Variants in HACD1 observed in about 807,000 individuals in gnomAD.
HACD1 encodes the protein 3-hydroxyacyl-CoA dehydratase 1, also known as very-long-chain (3R)-3-hydroxyacyl-CoA dehydratase 1.
Under a neutral mutation model 32.0 loss-of-function variants are expected in HACD1, and 41 were observed. The ratio of observed to expected loss-of-function variants is 1.28; its 90% confidence interval spans 1.00 to 1.66. The LOEUF is 1.66. Ranked by LOEUF, HACD1 falls within the 40% of genes most tolerant of loss-of-function variation. The pLI, the probability that HACD1 is intolerant of heterozygous loss-of-function variation, is 0.00. For synonymous variants in HACD1, 142 were observed against 139.0 expected (o/e 1.02, Z -0.15); for missense variants, 396 against 380.1 (o/e 1.04, Z -0.35).
intron 5 of HACD1, among the ~76,000 whole-genome samples, chr10:17,596,734 C>A (rs912626069): frequency 6.6e-6 from 1 of 151,808 alleles, no homozygotes; most frequent in Non-Finnish European, 1.5e-5. Context: ...TTGAAGGTTC[C>A]CAATTACTAT....
intron 1 of HACD1, among the ~76,000 whole-genome samples, chr10:17,612,302 A>G (rs781798795): frequency 7.2e-5 from 11 of 152,216 alleles, no homozygotes; most frequent in Admixed American, 1.3e-4. Context: ...CAAAAAGTAT[A>G]ATTATGAAAA....
rs149847359 is a variant in HACD1 at position 17,592,075 on chromosome 10, C to T, written c.785-1629G>A. ...TGGCTCACTGCAACCTCTGCCTCCC[C>T]GGTTTCAGTGATTTTCCTGCATCAG... On this transcript the variant is annotated intron_variant, in intron 6 of 6. Coordinates refer to ENST00000361271, the MANE Select transcript of HACD1 (RefSeq NM_014241.4). Among the ~76,000 whole-genome samples, 606 of 150,140 alleles carry T rather than the reference C, an allele frequency of 4.0e-3. 2 individuals are homozygous for T. Among genetic ancestry groups the T allele is most frequent in the Middle Eastern group, 0.021 (6 of 288 alleles).
chr10:17,594,846 T>TG lies in HACD1; in HGVS notation c.606-464dup, dbSNP rs200418161. ...GCCACCATACCCAGCTAATTTTTGG[T>TG]GTTTTTTTTTTTTGTTTTTTGTTTT... On this transcript the variant is annotated intron_variant, in intron 5 of 6. Coordinates refer to ENST00000361271, the MANE Select transcript of HACD1 (RefSeq NM_014241.4). Among the ~76,000 whole-genome samples, 102 of 145,338 alleles carry TG rather than the reference T, an allele frequency of 7.0e-4. 3 individuals carry two copies. In the South Asian group the frequency reaches 0.014, roughly 19 times the overall value.
At chr10:17,593,516 T>C (rs1351619262) in intron 6 of HACD1, among the ~76,000 whole-genome samples, 1 of 152,172 alleles carries the variant, frequency 6.6e-6, no homozygotes, top group East Asian at 1.9e-4. Flanking sequence ...GGTTTTGCCA[T>C]GTTGGCCAGC....
chr10:17,614,036 A>T (rs1475475383), intron 1 of HACD1, among the ~76,000 whole-genome samples: 1 of 152,216 alleles, frequency 6.6e-6, no homozygotes, highest in African/African-American at 2.4e-5. Context: ...TGAAGTCTTT[A>T]AACTGGAGCT....
chr10:17,617,286 G>T lies in HACD1; in HGVS notation c.54C>A (p.Gly18=). The T allele has an allele frequency of 6.8e-7, 1 of 1,461,822 alleles. No homozygotes were observed. The highest frequency in any genetic ancestry group is 2.4e-5 in the Admixed American group (1 of 40,888). 90.6% of individuals were successfully genotyped at this position (1,461,822 alleles called of 1,614,324 possible). ...GGAGCGTGGGAGGGGACCCTGCCCA[G>T]CCTGCAGCCCGAGAGCCGCTGCCCG... ...AAAGSGSRAA[G]WAGSPPTLLP... is the part of the protein sequence containing the mutation. Residue 18 remains glycine (G), a synonymous_variant, in exon 1 of 7, where the codon GGC becomes GGA. Transcript: ENST00000361271.
At chr10:17,605,270 A>G (rs942393092) in intron 1 of HACD1, among the ~76,000 whole-genome samples, 13 of 152,118 alleles carry the variant, frequency 8.5e-5, no homozygotes, top group African/African-American at 3.1e-4. Flanking sequence ...CACACCTGCA[A>G]TCCCAGCACT....
rs1012886062 is a variant in HACD1, at chr10:17,617,308, C to T, written c.32G>A (p.Gly11Asp). 2 of 1,442,668 alleles carry T rather than the reference C, an allele frequency of 1.4e-6. No homozygotes were observed. Among genetic ancestry groups the T allele is most frequent in the African/African-American group, 1.5e-5 (1 of 67,362 alleles). The allele number at this position is 1,442,668 out of a possible 1,614,324, so 89.4% of individuals were successfully genotyped here. A position where few individuals can be genotyped will look rare whatever the true frequency, so the allele number is the denominator to read the frequency against. ...CCAGCCTGCAGCCCGAGAGCCGCTGCCCGCTGCCGCCGCTTCCGTCAGGCG... is the reference window on the plus strand; with the variant it reads ...CCAGCCTGCAGCCCGAGAGCCGCTGTCCGCTGCCGCCGCTTCCGTCAGGCG... MGRLTEAAAA[G>D]SGSRAAGWAG... The change falls in exon 1 of 7, where the codon GGC becomes GAC. Residue 11 changes from glycine (G) to aspartate (D), a missense_variant. Coordinates refer to ENST00000361271, the MANE Select transcript of HACD1 (RefSeq NM_014241.4).
At chr10:17,604,642 AT>A (rs142420607) in intron 1 of HACD1, among the ~76,000 whole-genome samples, 14,342 of 152,160 alleles carry the variant, frequency 0.094, 851 homozygotes, top group East Asian at 0.17. Flanking sequence ...CTGTATGATC[AT>A]TTTTTTCTTT....
intron 1 of HACD1, among the ~76,000 whole-genome samples, chr10:17,608,596 C>T (rs1225560099): frequency 2.6e-5 from 4 of 151,974 alleles, no homozygotes; most frequent in Non-Finnish European, 5.9e-5. Context: ...CAGTGATTCT[C>T]GTGCCTTAGC....
intron 1 of HACD1, among the ~76,000 whole-genome samples, chr10:17,610,999 CTTTTT>C (rs71393021): frequency 1.9e-5 from 2 of 103,012 alleles, no homozygotes; most frequent in African/African-American, 8.1e-5. Flanking sequence ...AGGTCCTCTT[CTTTTT>C]TTTTTTTTTT....
intron 6 of HACD1, among the ~76,000 whole-genome samples, chr10:17,592,560 T>C (rs1393307125): frequency 6.6e-6 from 1 of 152,094 alleles, no homozygotes. Context: ...CTGCTACTGG[T>C]ACAGGCCAGA....
chr10:17,614,940 G>C (rs879992638), intron 1 of HACD1, among the ~76,000 whole-genome samples: 1 of 151,942 alleles, frequency 6.6e-6, no homozygotes, highest in Non-Finnish European at 1.5e-5. Context: ...TTTTAGTAGA[G>C]ACGGGGTTTC....
At chr10:17,615,686 G>T (rs959108948) in intron 1 of HACD1, 31 of 230,212 alleles carry the variant, frequency 1.3e-4, no homozygotes, top group East Asian at 3.4e-4. Context: ...AAAATATTAG[G>T]CCCGGTGCGA....
intron 1 of HACD1, among the ~76,000 whole-genome samples, chr10:17,616,724 C>T (rs1285944309): frequency 6.6e-6 from 1 of 152,044 alleles, no homozygotes; most frequent in African/African-American, 2.4e-5. Context: ...TGAAGCTCTG[C>T]GCTCCCGAGA....
Position 17,589,033 on chromosome 10 carries a change from C to T in HACD1, c.*1331G>A, listed in dbSNP as rs1833897526. On this transcript the variant is annotated 3_prime_UTR_variant, in exon 7 of 7. Coordinates refer to ENST00000361271, the MANE Select transcript of HACD1 (RefSeq NM_014241.4). ...AATTAAGGCAGTTATGAAAGTAGGT[C>T]TGGTGTATTTTTTTTATTAAACACA... 1 of 151,112 alleles carries T rather than the reference C, an allele frequency of 6.6e-6. No individual in the cohort carries two copies. The highest frequency in any genetic ancestry group is 2.5e-5 in the African/African-American group (1 of 40,504). 9.4% of individuals were successfully genotyped at this position (151,112 alleles called of 1,614,324 possible). A position where few individuals can be genotyped will look rare whatever the true frequency, so the allele number is the denominator to read the frequency against.
intron 1 of HACD1, among the ~76,000 whole-genome samples, chr10:17,608,776 C>T (rs550107044): frequency 5.0e-4 from 76 of 152,274 alleles, no homozygotes; most frequent in African/African-American, 1.8e-3. Flanking sequence ...CGTGAGCCGC[C>T]ACGTCTGGCC....
chr10:17,609,064 T>C (rs1478354800), intron 1 of HACD1, among the ~76,000 whole-genome samples: 1 of 151,546 alleles, frequency 6.6e-6, no homozygotes, highest in Non-Finnish European at 1.5e-5. Flanking sequence ...ACATATCTGG[T>C]AAAGCACTTG....
At chr10:17,606,950 G>T (rs1351471385) in intron 1 of HACD1, among the ~76,000 whole-genome samples, 1 of 152,082 alleles carries the variant, frequency 6.6e-6, no homozygotes, top group Non-Finnish European at 1.5e-5. Context: ...AGGCAGAGAG[G>T]GTCACACAGC....
Sources: gnomAD v4.1 joint callset for allele counts (sites outside exome capture counted in the v4.1 genomes callset) on GRCh38, gnomAD v4.1.1 for gene constraint, MANE v1.5 for transcripts, NCBI Gene and HGNC (gene_info 2026-07-23, HGNC 2026-07-21) for gene names.